Variants in F11 observed in about 807,000 individuals in gnomAD.
The protein encoded by F11 is coagulation factor XI.
In F11, 78 loss-of-function variants were observed where a neutral mutation model predicts 76.5. That is an observed-to-expected ratio of 1.02 (90% CI 0.85 to 1.23). The LOEUF (loss-of-function observed/expected upper bound fraction) is 1.23, where lower values mean the gene tolerates loss of function less well. Ranked by LOEUF, F11 falls within the 50% of genes most tolerant of loss-of-function variation. The pLI, the probability that F11 is intolerant of heterozygous loss-of-function variation, is 0.00. For missense variants in F11, 742 were observed against 771.4 expected, an observed-to-expected ratio of 0.96 and a Z score of 0.45; for synonymous variants, 278 against 276.3, an observed-to-expected ratio of 1.01 and a Z score of -0.06.
At chr4:186,279,764 A>G (rs1240828914) in intron 7 of F11, among the ~76,000 whole-genome samples, 7 of 152,206 alleles carry the variant, frequency 4.6e-5, no homozygotes, top group African/African-American at 1.7e-4. Context: ...AAGACTGACA[A>G]TAGAGCAAGC....
chr4:186,276,391 G>T lies in F11; in HGVS notation c.755+1G>T, dbSNP rs757275646. 1 of 1,613,904 alleles carries T rather than the reference G, an allele frequency of 6.2e-7. No homozygotes were observed. The highest frequency in any genetic ancestry group is 8.5e-7 in the Non-Finnish European group (1 of 1,179,940). On this transcript the variant is annotated splice_donor_variant, in intron 7 of 14. Transcript: ENST00000403665. LOFTEE classifies it high-confidence loss of function. ...AGGAATGGCCCAAAGAATCTCAAAGGTAAGGAGTTAACAAGTAAGGATAAT... is the reference window on the plus strand; with the variant it reads ...AGGAATGGCCCAAAGAATCTCAAAGTTAAGGAGTTAACAAGTAAGGATAAT...
rs747209405 is a variant in F11 at position 186,285,639 on chromosome 4, G to A, written c.1306G>A (p.Val436Ile). ...ILTAAHCFYGVESPKILRVYS... is the reference protein window; with the variant it reads ...ILTAAHCFYGIESPKILRVYS... ...TTCCCTCTGTTGTTTGCTCCTTAGG[G>A]TAGAGTCACCTAAGATTTTGCGTGT... The change falls in exon 12 of 15, where the codon GTA (valine) becomes ATA (isoleucine). Residue 436 changes from valine (V) to isoleucine (I), a missense_variant and splice_region_variant. Physicochemically the swap from Val to Ile is conservative, Grantham distance 29. Coordinates refer to ENST00000403665, the MANE Select transcript of F11 (RefSeq NM_000128.4). 7 of 1,613,560 alleles carry A rather than the reference G, an allele frequency of 4.3e-6. No homozygotes were observed. In the African/African-American group the frequency reaches 5.3e-5, roughly 12 times the overall value.
chr4:186,268,151 A>G (rs1348823810), intron 2 of F11, among the ~76,000 whole-genome samples: 2 of 152,336 alleles, frequency 1.3e-5, no homozygotes, highest in African/African-American at 4.8e-5. Flanking sequence ...AAAAAAAATT[A>G]TATCTGCACT....
intron 7 of F11, among the ~76,000 whole-genome samples, chr4:186,276,953 G>A (rs977677203): frequency 2.6e-5 from 4 of 152,120 alleles, no homozygotes; most frequent in Admixed American, 6.5e-5. Flanking sequence ...AGGTACAGTT[G>A]TGTTACATGG....
intron 4 of F11, among the ~76,000 whole-genome samples, chr4:186,273,898 T>C (rs1740169051): frequency 6.6e-6 from 1 of 152,198 alleles, no homozygotes; most frequent in Non-Finnish European, 1.5e-5. Context: ...AAAATCAAAA[T>C]GTGAATTTAC....
At chr4:186,269,949 C>G (rs1019215524) in intron 2 of F11, among the ~76,000 whole-genome samples, 4 of 152,010 alleles carry the variant, frequency 2.6e-5, no homozygotes, top group Admixed American at 6.6e-5. Context: ...AAACATAATA[C>G]GTAATAGCGG....
At position 186,289,523 on chromosome 4, in the gene F11, C is replaced by A. The variant is rs1378396914; in HGVS notation, c.*909C>A. On this transcript the variant is annotated 3_prime_UTR_variant, in exon 15 of 15. Transcript: ENST00000403665. ...CGCAAATGGATAGTTACAGTAAAGT[C>A]TTCAGCAAGCAGCTGCCTGTATTCT... Among the ~76,000 whole-genome samples the A allele has an allele frequency of 6.6e-6, 1 of 152,136 alleles. No individual in the cohort carries two copies. Among genetic ancestry groups the A allele is most frequent in the Non-Finnish European group, 1.5e-5 (1 of 68,020 alleles).
intron 2 of F11, among the ~76,000 whole-genome samples, chr4:186,268,033 A>G (rs962790628): frequency 2.0e-5 from 3 of 152,188 alleles, no homozygotes; most frequent in African/African-American, 4.8e-5. Context: ...TCAGCGCTAA[A>G]TAATTTGATA....
intron 10 of F11, among the ~76,000 whole-genome samples, chr4:186,283,547 G>A (rs946698712): frequency 4.6e-5 from 7 of 152,240 alleles, no homozygotes; most frequent in Admixed American, 2.6e-4. Flanking sequence ...TGGAGCAGGA[G>A]TGACTGGGAT....
intron 2 of F11, among the ~76,000 whole-genome samples, chr4:186,271,144 T>C (rs1483189176): frequency 1.3e-5 from 2 of 152,136 alleles, no homozygotes; most frequent in African/African-American, 4.8e-5. Flanking sequence ...CTCAATGGGG[T>C]GAGGATGTGT....
chr4:186,277,165 T>A (rs920235194), intron 7 of F11, among the ~76,000 whole-genome samples: 32 of 152,226 alleles, frequency 2.1e-4, no homozygotes, highest in African/African-American at 7.7e-4. Context: ...TATTTGACTT[T>A]CTGTTTCTGA....
intron 2 of F11, 77 bp downstream of exon 2, chr4:186,267,268 C>A: frequency 1.1e-6 from 1 of 917,792 alleles, no homozygotes; most frequent in Non-Finnish European, 1.8e-6. Context: ...GGGAGAATCC[C>A]ACACCATTTA....
chr4:186,284,292 C>G (rs1236298417), intron 11 of F11, 32 bp downstream of exon 11: 1 of 1,516,396 alleles, frequency 6.6e-7, no homozygotes. Flanking sequence ...ATTAGTTCAT[C>G]TTCTTCACAC....
chr4:186,284,776 C>T lies in F11; in HGVS notation c.1304+516C>T, dbSNP rs117845257. 6.5e-4 allele frequency among the ~76,000 whole-genome samples: 99 copies of T among 152,030 alleles called. 1 individual carries two copies. The East Asian group carries it at 0.018, about 28-fold the overall frequency. On this transcript the variant is annotated intron_variant, in intron 11 of 14. Coordinates refer to ENST00000403665, the MANE Select transcript of F11 (RefSeq NM_000128.4). Reference sequence around the variant, plus strand: ...CAGCCTGGGCAACATAGTGAGACCTCGTCTCTAAAAAATATTTAAAAACTA... The same window carrying T: ...CAGCCTGGGCAACATAGTGAGACCTTGTCTCTAAAAAATATTTAAAAACTA...
chr4:186,285,744 C>T lies in F11; in HGVS notation c.1411C>T (p.Gln471Ter), dbSNP rs1347334885. 1.2e-6 allele frequency: 2 copies of T among 1,614,074 alleles called. No homozygotes were observed. The highest frequency in any genetic ancestry group is 1.6e-4 in the Middle Eastern group (1 of 6,062). The change falls in exon 12 of 15, where the codon CAG becomes TAG. Residue 471 changes from glutamine to a stop codon, truncating the protein, a stop_gained. Coordinates refer to ENST00000403665, the MANE Select transcript of F11 (RefSeq NM_000128.4). LOFTEE classifies it high-confidence loss of function. ...GGTTCAAGAAATAATAATCCATGAT[C>T]AGTATAAAATGGCAGAAAGCGGGTA... ...FGVQEIIIHD[Q>*]YKMAESGYDI...
rs779930670 is a variant in F11, at chr4:186,280,341, G to T, written c.984G>T (p.Gln328His). The T allele has an allele frequency of 1.2e-6, 2 of 1,614,040 alleles. No homozygotes were observed. Among genetic ancestry groups the T allele is most frequent in the East Asian group, 2.2e-5 (1 of 44,902 alleles). ...QKLCTNAVRC[Q>H]FFTYTPAQAS... is the part of the protein sequence containing the mutation. Reference sequence around the variant, plus strand: ...TGTGCACCAATGCCGTCCGCTGCCAGTTTTTTACCTATACCCCAGCCCAAG... The same window carrying T: ...TGTGCACCAATGCCGTCCGCTGCCATTTTTTTACCTATACCCCAGCCCAAG... Residue 328 changes from glutamine to histidine, a missense_variant, in exon 9 of 15, where the codon CAG (glutamine) becomes CAT (histidine). By Grantham distance (24) the Gln-to-His change is conservative. Transcript: ENST00000403665.
At chr4:186,278,679 A>G (rs1164708823) in intron 7 of F11, among the ~76,000 whole-genome samples, 1 of 152,214 alleles carries the variant, frequency 6.6e-6, no homozygotes, top group Admixed American at 6.5e-5. Flanking sequence ...CGCAAGCAGC[A>G]GAGTGTAGGA....
Position 186,280,364 on chromosome 4 carries a change from A to C in F11, c.1007A>C (p.Gln336Pro). The C allele has an allele frequency of 6.2e-7, 1 of 1,614,166 alleles. No individual in the cohort carries two copies. The change falls in exon 9 of 15, where the codon CAA becomes CCA. Residue 336 changes from glutamine (Q) to proline (P), a missense_variant. Physicochemically the swap from Gln to Pro is moderately conservative, Grantham distance 76 (BLOSUM62 -1). Transcript: ENST00000403665. Reference protein sequence around the residue: ...RCQFFTYTPAQASCNEGKGKC... With the variant: ...RCQFFTYTPAPASCNEGKGKC... ...CAGTTTTTTACCTATACCCCAGCCC[A>C]AGCATCCTGCAACGAAGGGAAGTAA...
chr4:186,272,943 T>C, intron 3 of F11, 128 bp from the exon 4 acceptor site: 1 of 646,600 alleles, frequency 1.5e-6, no homozygotes, highest in South Asian at 1.9e-5. Flanking sequence ...GCTAAGAAAA[T>C]ATTTGTTTTG....
Sources: gnomAD v4.1 joint callset for allele counts (sites outside exome capture counted in the v4.1 genomes callset) on GRCh38, gnomAD v4.1.1 for gene constraint, MANE v1.5 for transcripts, NCBI Gene and HGNC (gene_info 2026-07-23, HGNC 2026-07-21) for gene names.